The following HIGD1B variants were observed in gnomAD, a reference collection of about 807,000 sequenced individuals.
HIGD1B encodes HIG1 hypoxia inducible domain family member 1B.
In HIGD1B, 9 loss-of-function variants were observed where a neutral mutation model predicts 8.8. The ratio of observed to expected loss-of-function variants is 1.02; its 90% CI spans 0.62 to 1.78. The LOEUF is 1.78. Ranked by LOEUF, HIGD1B falls within the 40% of genes most tolerant of loss-of-function variation. The pLI is 0.00. For missense variants in HIGD1B, 126 were observed against 111.8 expected (o/e 1.13, Z -0.57); for synonymous variants, 47 against 38.8 (o/e 1.21, Z -0.78).
rs2050380188 is a variant in HIGD1B, at chr17:44,849,245, T to C, written c.101-9T>C. The C allele has an allele frequency of 1.2e-6, 2 of 1,613,878 alleles. No homozygotes were observed. Among genetic ancestry groups the C allele is most frequent in the Non-Finnish European group, 1.7e-6 (2 of 1,179,848 alleles). On this transcript the variant is annotated splice_polypyrimidine_tract_variant and intron_variant, in intron 1 of 2. Coordinates refer to ENST00000253410, the MANE Select transcript of HIGD1B (RefSeq NM_016438.4). ...GCTGTGGCCCAGGGGCTGTGTTCTCTGCCCACAGGCTTAGGAGGCTGCTTG... is the reference window on the plus strand; with the variant it reads ...GCTGTGGCCCAGGGGCTGTGTTCTCCGCCCACAGGCTTAGGAGGCTGCTTG...
In HIGD1B at chr17:44,849,275, T is replaced by TA; in HGVS notation, c.123dup (p.Ala42SerfsTer63). The TA allele has an allele frequency of 6.2e-7, 1 of 1,614,040 alleles. No individual in the cohort carries two copies. The highest frequency in any genetic ancestry group is 8.5e-7 in the Non-Finnish European group (1 of 1,179,980). On this transcript the variant is annotated frameshift_variant, in exon 2 of 3. Coordinates refer to ENST00000253410, the MANE Select transcript of HIGD1B (RefSeq NM_016438.4). LOFTEE classifies it high-confidence loss of function. The stretch of plus-strand genomic sequence containing the variant: ...ACAGGCTTAGGAGGCTGCTTGGTGG[T>TA]AGCAGCATACAGGATTTACCGGCTG...
At position 44,850,202 on chromosome 17, in the gene HIGD1B, G is replaced by T. The variant is rs1294893764; in HGVS notation, c.236-130G>T. The T allele has an allele frequency of 4.6e-6, 3 of 653,856 alleles. No individual in the cohort carries two copies. The Admixed American group carries it at 7.7e-5, about 17-fold the overall frequency. The allele number at this position is 653,856 out of a possible 1,614,324, so 40.5% of individuals were successfully genotyped here. A position where few individuals can be genotyped will look rare whatever the true frequency, so the allele number is the denominator to read the frequency against. On this transcript the variant is annotated intron_variant, in intron 2 of 2. Coordinates refer to ENST00000253410, the MANE Select transcript of HIGD1B (RefSeq NM_016438.4). ...TGCTTGAAGCAGCTGTTGGGACCTG[G>T]GGCAGAAAGATGAGCGGGAAGCTGG...
upstream of HIGD1B, among the ~76,000 whole-genome samples, chr17:44,846,591 G>A (rs941722819): frequency 1.8e-4 from 27 of 152,006 alleles, no homozygotes; most frequent in African/African-American, 6.5e-4. Flanking sequence ...GAGACCAGGA[G>A]TTCAAGATTG....
At chr17:44,849,477 C>T in intron 2 of HIGD1B, 89 bp downstream of exon 2, 1 of 1,501,142 alleles carries the variant, frequency 6.7e-7, no homozygotes, top group Non-Finnish European at 9.1e-7. Context: ...AAGGACTGTG[C>T]TTGGCTGGGC....
At chr17:44,846,116 C>CTG (rs145100815), upstream of HIGD1B, among the ~76,000 whole-genome samples, 8,712 of 152,232 alleles carry the variant, frequency 0.057, 358 homozygotes, top group Non-Finnish European at 0.081. Context: ...AAGCCTGTCT[C>CTG]TGATCCAGCC....
chr17:44,847,097 A>G (rs1293016205), upstream of HIGD1B, among the ~76,000 whole-genome samples: 1 of 152,136 alleles, frequency 6.6e-6, no homozygotes, highest in African/African-American at 2.4e-5. Context: ...AGATGGCACC[A>G]CTGCACTCCA....
At chr17:44,846,783 T>TA (rs760853788), upstream of HIGD1B, among the ~76,000 whole-genome samples, 5,733 of 121,290 alleles carry the variant, frequency 0.047, 210 homozygotes, top group South Asian at 0.096. Context: ...AGACCCTGCC[T>TA]AAAAAAAAAA....
At position 44,849,257 on chromosome 17, in the gene HIGD1B, T is replaced by G. The variant is rs1455447856; in HGVS notation, c.104T>G (p.Leu35Ter). Residue 35 changes from leucine to a stop codon, truncating the protein, a stop_gained, in exon 2 of 3, where the codon TTA becomes TGA. Coordinates refer to ENST00000253410, the MANE Select transcript of HIGD1B (RefSeq NM_016438.4). LOFTEE classifies it high-confidence loss of function. The part of the protein sequence containing the change: ...TRESPLVPIG[L>*]GGCLVVAAYR... ...GGGCTGTGTTCTCTGCCCACAGGCT[T>G]AGGAGGCTGCTTGGTGGTAGCAGCA... 4 of 1,613,950 alleles carry G rather than the reference T, an allele frequency of 2.5e-6. No individual in the cohort carries two copies. The highest frequency in any genetic ancestry group is 2.2e-5 in the East Asian group (1 of 44,864).
upstream of HIGD1B, among the ~76,000 whole-genome samples, chr17:44,846,817 G>A (rs1460776697): frequency 6.6e-6 from 1 of 151,272 alleles, no homozygotes; most frequent in Non-Finnish European, 1.5e-5. Flanking sequence ...AGAAAAGAGA[G>A]TTTGCCGTAT....
At chr17:44,847,326 G>A (rs1026509319), upstream of HIGD1B, among the ~76,000 whole-genome samples, 8 of 152,112 alleles carry the variant, frequency 5.3e-5, no homozygotes, top group Admixed American at 3.3e-4. Flanking sequence ...CCAGCTACTC[G>A]GGAGGCTGAG....
chr17:44,845,953 C>G (rs947693994), upstream of HIGD1B, among the ~76,000 whole-genome samples: 2 of 151,834 alleles, frequency 1.3e-5, no homozygotes, highest in African/African-American at 4.8e-5. Context: ...AAATCCCAAA[C>G]CAAAAGACAG....
chr17:44,849,487 CGCG>C, intron 2 of HIGD1B, 99 bp downstream of exon 2: 1 of 1,427,834 alleles, frequency 7.0e-7, no homozygotes, highest in African/African-American at 1.4e-5. Flanking sequence ...CTTGGCTGGG[CGCG>C]GTGGTTCACG....
intron 2 of HIGD1B, 147 bp downstream of exon 2, chr17:44,849,535 G>A: frequency 1.1e-6 from 1 of 879,718 alleles, no homozygotes; most frequent in Non-Finnish European, 1.7e-6. Context: ...GCCAAGGCGG[G>A]CAGATCATGA....
intron 1 of HIGD1B, among the ~76,000 whole-genome samples, chr17:44,848,848 TCAC>T (rs1319367033): frequency 1.3e-5 from 2 of 152,074 alleles, no homozygotes; most frequent in Non-Finnish European, 1.5e-5. Context: ...CAGTCTCGGT[TCAC>T]CACAACCCCT....
chr17:44,850,412 CG>C lies in HIGD1B; in HGVS notation c.*20del, dbSNP rs2050425563. The C allele has an allele frequency of 1.9e-6, 3 of 1,600,436 alleles. No homozygotes were observed. The Admixed American group carries it at 5.0e-5, about 27-fold the overall frequency. ...AGAGAAGTAGGACTCCTATAGGAGC[CG>C]GGGCTGTCCAACTCCCCTAACTCAA... On this transcript the variant is annotated 3_prime_UTR_variant, in exon 3 of 3. Transcript: ENST00000253410.
chr17:44,849,385 C>G lies in HIGD1B; in HGVS notation c.232C>G (p.Leu78Val). 6.2e-7 allele frequency: 1 copy of G among 1,613,996 alleles called. No individual in the cohort carries two copies. The highest frequency in any genetic ancestry group is 8.5e-7 in the Non-Finnish European group (1 of 1,179,928). Residue 78 changes from leucine to valine, a missense_variant, in exon 2 of 3, where the codon CTA (leucine) becomes GTA (valine). Physicochemically the swap from Leu to Val is conservative, Grantham distance 32 (BLOSUM62 1). Transcript: ENST00000253410. Reference sequence around the variant, plus strand: ...GGCCTGTGCAGTGGGTGCAATCATGCTAGGTGAGTAGCTTTGTGGGGTCGC... The same window carrying G: ...GGCCTGTGCAGTGGGTGCAATCATGGTAGGTGAGTAGCTTTGTGGGGTCGC... The part of the protein sequence containing the change: ...AQACAVGAIM[L>V]GAVYTMYSDY...
chr17:44,848,735 G>A (rs980048845), intron 1 of HIGD1B, among the ~76,000 whole-genome samples: 2 of 151,292 alleles, frequency 1.3e-5, no homozygotes, highest in African/African-American at 4.9e-5. Context: ...ACGGGAGGGA[G>A]GCAGCCACTT....
chr17:44,849,734 G>A (rs914655338), intron 2 of HIGD1B, among the ~76,000 whole-genome samples: 6 of 145,342 alleles, frequency 4.1e-5, no homozygotes, highest in East Asian at 2.0e-4. Flanking sequence ...ACTCCAGCCC[G>A]GGTGACAGAG....
upstream of HIGD1B, among the ~76,000 whole-genome samples, chr17:44,847,556 C>T (rs1016126058): frequency 6.6e-6 from 1 of 152,254 alleles, no homozygotes; most frequent in African/African-American, 2.4e-5. Context: ...ACAGGAGCAG[C>T]TCAGGAACCA....
Sources: gnomAD v4.1 joint callset for allele counts (sites outside exome capture counted in the v4.1 genomes callset) on GRCh38, gnomAD v4.1.1 for gene constraint, MANE v1.5 for transcripts, NCBI Gene and HGNC (gene_info 2026-07-23, HGNC 2026-07-21) for gene names.